MGAT3: variants seen among roughly 807,000 people sequenced by gnomAD.
MGAT3 encodes the protein GlcNAc-T III.
A neutral mutation model predicts 29.8 loss-of-function variants in MGAT3; 9 were observed. The ratio of observed to expected loss-of-function variants is 0.30; its 90% CI spans 0.18 to 0.53. The LOEUF is 0.53. MGAT3 is among the 20% of genes least tolerant of loss of function. MGAT3 has a pLI of 0.96. For synonymous variants in MGAT3, 397 were observed against 348.9 expected (o/e 1.14, Z -1.54); for missense variants, 557 against 769.5 (o/e 0.72, Z 3.27).
In MGAT3 at chr22:39,457,714, C is replaced by T. The variant is rs1004356971; in HGVS notation, c.-2+157C>T. On this transcript the variant is annotated intron_variant, in intron 1 of 1. Coordinates refer to ENST00000341184, the MANE Select transcript of MGAT3 (RefSeq NM_002409.5). The surrounding 1 kb of genome is among the most constrained non-coding windows in gnomAD (Gnocchi z 6.8). ...GCGCGGGCGCACTGGGGCTGGGGGC[C>T]CGGAGGCCGCGGTGGGGGCGGGATG... Among the ~76,000 whole-genome samples, 39 of 150,524 alleles carry T rather than the reference C, an allele frequency of 2.6e-4. 1 individual carries two copies. The highest frequency in any genetic ancestry group is 4.6e-4 in the Admixed American group (7 of 15,172).
rs1316173798 is a variant in MGAT3, at chr22:39,490,829, T to TG, written c.*1882dup. ...GGATGGAAGAGGCCAGGCCCAGGCC[T>TG]GGCCTCTTCCTCGGGCCTGTGGCCA... On this transcript the variant is annotated 3_prime_UTR_variant, in exon 2 of 2. Coordinates refer to ENST00000341184, the MANE Select transcript of MGAT3 (RefSeq NM_002409.5). 1 of 166,184 alleles carries TG rather than the reference T, an allele frequency of 6.0e-6. No homozygotes were observed. Among genetic ancestry groups the TG allele is most frequent in the African/African-American group, 2.4e-5 (1 of 41,242 alleles). The allele number at this position is 166,184 out of a possible 1,614,324, so 10.3% of individuals were successfully genotyped here. A position where few individuals can be genotyped will look rare whatever the true frequency, so the allele number is the denominator to read the frequency against.
intron 1 of MGAT3, among the ~76,000 whole-genome samples, chr22:39,461,753 C>T (rs1052339351): frequency 1.3e-5 from 2 of 152,180 alleles, no homozygotes; most frequent in Non-Finnish European, 2.9e-5. Flanking sequence ...CCCGATGCTA[C>T]AGCCCCTCCC....
intron 1 of MGAT3, among the ~76,000 whole-genome samples, chr22:39,467,726 T>TTTCGTTTC (rs1211650858): frequency 0.021 from 3,231 of 150,314 alleles, 97 homozygotes; most frequent in Admixed American, 0.09. Context: ...TGTTTCGTTT[T>TTTCGTTTC]GTTTCGTTTC....
At position 39,488,527 on chromosome 22, in the gene MGAT3, C is replaced by A. The variant is rs566293253; in HGVS notation, c.1180C>A (p.Gln394Lys). ...RQYYTMPNFR[Q>K]YENRTGHILV... ...GTACTACACCATGCCCAACTTCAGACAGTATGAGAACCGCACCGGCCACAT... is the reference window on the plus strand; with the variant it reads ...GTACTACACCATGCCCAACTTCAGAAAGTATGAGAACCGCACCGGCCACAT... The change falls in exon 2 of 2, where the codon CAG becomes AAG. Residue 394 changes from glutamine (Q) to lysine (K), a missense_variant. Around this residue, in one of 3 missense-constraint regions of MGAT3, gnomAD observed 243 missense variants for 444.0 expected, o/e 0.55. Coordinates refer to ENST00000341184, the MANE Select transcript of MGAT3 (RefSeq NM_002409.5). 5.6e-6 allele frequency: 9 copies of A among 1,613,296 alleles called. No individual in the cohort carries two copies. Among genetic ancestry groups the A allele is most frequent in the African/African-American group, 1.3e-5 (1 of 75,058 alleles).
In MGAT3 at chr22:39,488,486, G is replaced by T; in HGVS notation, c.1139G>T (p.Arg380Leu). ...GCAGTGTATGGGCTGGACGGCATCC[G>T]CCTGCGCCGCCGCCAGTACTACACC... ...LQAVYGLDGI[R>L]LRRRQYYTMP... Residue 380 changes from arginine (R) to leucine (L), a missense_variant, in exon 2 of 2, where the codon CGC becomes CTC. By Grantham distance (102) the Arg-to-Leu change is moderately radical. Coordinates refer to ENST00000341184, the MANE Select transcript of MGAT3 (RefSeq NM_002409.5). The T allele has an allele frequency of 6.2e-7, 1 of 1,612,714 alleles. No homozygotes were observed. Among genetic ancestry groups the T allele is most frequent in the Non-Finnish European group, 8.5e-7 (1 of 1,179,980 alleles).
chr22:39,475,128 C>CTTTTTTTTTTTTTTTTTTTTT (rs58543840), intron 1 of MGAT3, among the ~76,000 whole-genome samples: 3 of 118,772 alleles, frequency 2.5e-5, no homozygotes, highest in African/African-American at 1.1e-4. Flanking sequence ...GCTTGCCAGG[C>CTTTTTTTTTTTTTTTTTTTTT]TTTTTTTTTT....
chr22:39,459,072 CTTTTTT>C (rs3043636), intron 1 of MGAT3, among the ~76,000 whole-genome samples: 105,754 of 143,178 alleles, frequency 0.74, 38,826 homozygotes, highest in East Asian at 0.95. Context: ...CTTTTCTTTT[CTTTTTT>C]TTTTTTTTTT....
At chr22:39,481,707 G>A (rs2145723888) in intron 1 of MGAT3, among the ~76,000 whole-genome samples, 1 of 152,296 alleles carries the variant, frequency 6.6e-6, no homozygotes, top group Middle Eastern at 3.4e-3. Flanking sequence ...GCTGGAAGGG[G>A]CTCAGGACAG....
chr22:39,485,877 T>C (rs760268340), intron 1 of MGAT3, among the ~76,000 whole-genome samples: 14 of 152,216 alleles, frequency 9.2e-5, no homozygotes, highest in Non-Finnish European at 2.1e-4. Flanking sequence ...AGCCATAAAC[T>C]GATTGATAAA....
intron 1 of MGAT3, among the ~76,000 whole-genome samples, chr22:39,483,871 C>T (rs561551326): frequency 2.0e-5 from 3 of 152,354 alleles, no homozygotes; most frequent in East Asian, 1.9e-4. Context: ...TCTACCTGCC[C>T]GCAGTCAGCT....
Position 39,487,793 on chromosome 22 carries a change from C to T in MGAT3, c.446C>T (p.Pro149Leu). The change falls in exon 2 of 2, where the codon CCC becomes CTC. Residue 149 changes from proline (P) to leucine (L), a missense_variant. By Grantham distance (98) the Pro-to-Leu change is moderately conservative (BLOSUM62 -3). Transcript: ENST00000341184. The surrounding 1 kb of genome is among the most constrained non-coding windows in gnomAD (Gnocchi z 5.7). Reference sequence around the variant, plus strand: ...AACGGCTCCTCGGCCCGGCGGCCACCCCGGTACCTCCTGAGCGCCCGGGAG... The same window carrying T: ...AACGGCTCCTCGGCCCGGCGGCCACTCCGGTACCTCCTGAGCGCCCGGGAG... ...GANGSSARRP[P>L]RYLLSARERT... 1.3e-6 allele frequency: 2 copies of T among 1,494,300 alleles called. No individual in the cohort carries two copies. The highest frequency in any genetic ancestry group is 1.4e-5 in the African/African-American group (1 of 71,584). 92.6% of individuals were successfully genotyped at this position (1,494,300 alleles called of 1,614,324 possible).
intron 1 of MGAT3, among the ~76,000 whole-genome samples, chr22:39,480,819 C>T (rs1480296675): frequency 6.6e-6 from 1 of 152,230 alleles, no homozygotes; most frequent in Non-Finnish European, 1.5e-5. Flanking sequence ...TCCATTCTTC[C>T]AGTGCCTGGG....
chr22:39,473,480 G>T (rs1433715274), intron 1 of MGAT3, among the ~76,000 whole-genome samples: 1 of 152,198 alleles, frequency 6.6e-6, no homozygotes, highest in Admixed American at 6.5e-5. Flanking sequence ...TCCTCCATGA[G>T]GGTGGAGCCC....
At chr22:39,482,915 C>G (rs937027681) in intron 1 of MGAT3, among the ~76,000 whole-genome samples, 1 of 152,196 alleles carries the variant, frequency 6.6e-6, no homozygotes, top group Admixed American at 6.5e-5. Flanking sequence ...CTGGTGAGTC[C>G]GTGCTCAGAA....
rs1035920011 is a variant in MGAT3 at position 39,491,351 on chromosome 22, C to G, written c.*2402C>G. 2 of 167,438 alleles carry G rather than the reference C, an allele frequency of 1.2e-5. No homozygotes were observed. The highest frequency in any genetic ancestry group is 1.9e-4 in the East Asian group (1 of 5,302). The allele number at this position is 167,438 out of a possible 1,614,324, so 10.4% of individuals were successfully genotyped here. A position where few individuals can be genotyped will look rare whatever the true frequency, so the allele number is the denominator to read the frequency against. On this transcript the variant is annotated 3_prime_UTR_variant, in exon 2 of 2. Transcript: ENST00000341184. This position sits in a 1 kb window ranked among gnomAD's most constrained non-coding sequence, Gnocchi z 5.5. ...GGGGCTGAGAGGTGGCTCAAACACT[C>G]GGGGTCCCTATGGCTCTGGGTCAAT...
At chr22:39,486,075 G>A (rs1729026577) in intron 1 of MGAT3, 1 of 382,530 alleles carries the variant, frequency 2.6e-6, no homozygotes, top group Non-Finnish European at 5.0e-6. Flanking sequence ...TGTCCAATAT[G>A]GTAGTATTTA....
chr22:39,464,073 C>T (rs892908804), intron 1 of MGAT3, among the ~76,000 whole-genome samples: 2 of 151,862 alleles, frequency 1.3e-5, no homozygotes, highest in Non-Finnish European at 2.9e-5. Flanking sequence ...CGCCTGTGTT[C>T]GTAGCCTGGG....
intron 1 of MGAT3, among the ~76,000 whole-genome samples, chr22:39,467,235 G>A (rs1928674436): frequency 6.6e-6 from 1 of 152,192 alleles, no homozygotes; most frequent in South Asian, 2.1e-4. Flanking sequence ...TGAAGTCTTT[G>A]CCCTTGTGAA....
At chr22:39,467,666 G>A (rs1321317151) in intron 1 of MGAT3, among the ~76,000 whole-genome samples, 3 of 151,560 alleles carry the variant, frequency 2.0e-5, no homozygotes, top group Middle Eastern at 3.5e-3. Context: ...TTTTCGTTTC[G>A]TTTCGTTTTG....
Sources: allele counts gnomAD v4.1 joint callset (sites outside exome capture counted in the v4.1 genomes callset), GRCh38; gene constraint gnomAD v4.1.1; regional missense constraint gnomAD v4.1.1; non-coding constraint Gnocchi (gnomAD v3.1); transcripts MANE v1.5; gene names NCBI Gene and HGNC (gene_info 2026-07-23, HGNC 2026-07-21).